KANSL1L: variants seen among roughly 807,000 people sequenced by gnomAD.
KANSL1L encodes the protein KAT8 regulatory NSL complex subunit 1-like protein.
Under a neutral mutation model 108.6 loss-of-function variants are expected in KANSL1L, and 25 were observed. That is an observed-to-expected ratio of 0.23 (90% confidence interval 0.17 to 0.32). KANSL1L has a LOEUF of 0.32. Among genes scored for constraint, KANSL1L ranks in the 10% least tolerant of loss-of-function variants. KANSL1L has a pLI of 1.00. For missense variants in KANSL1L, 1,137 were observed against 1,125.7 expected, an observed-to-expected ratio of 1.01 and a Z score of -0.14; for synonymous variants, 405 against 395.1, an observed-to-expected ratio of 1.03 and a Z score of -0.30.
At chr2:210,148,490 T>C (rs189983918) in intron 2 of KANSL1L, among the ~76,000 whole-genome samples, 91 of 152,220 alleles carry the variant, frequency 6.0e-4, no homozygotes, top group Admixed American at 2.4e-3. Flanking sequence ...AAAAAGAACA[T>C]TGGAGGCAAA....
At position 210,026,466 on chromosome 2, in the gene KANSL1L, T is replaced by C. The variant is rs116960153; in HGVS notation, c.2451+830A>G. Reference sequence around the variant, plus strand: ...AGCCTGATCTGAAATGATGTGAGGCTATTTTTAGTGTTTATCCAACTCAAC... The same window carrying C: ...AGCCTGATCTGAAATGATGTGAGGCCATTTTTAGTGTTTATCCAACTCAAC... On this transcript the variant is annotated intron_variant, in intron 12 of 14. Transcript: ENST00000281772. 7 of 152,374 alleles carry C rather than the reference T, an allele frequency of 4.6e-5. No individual in the cohort carries two copies. In the East Asian group the frequency reaches 1.3e-3, roughly 29 times the overall value. The allele number at this position is 152,374 out of a possible 1,614,324, so 9.4% of individuals were successfully genotyped here.
chr2:210,118,721 C>A (rs889077380), intron 3 of KANSL1L, among the ~76,000 whole-genome samples: 1 of 151,680 alleles, frequency 6.6e-6, no homozygotes, highest in Non-Finnish European at 1.5e-5. Context: ...GTGGTGTGTG[C>A]CTGTGGTCCC....
intron 3 of KANSL1L, among the ~76,000 whole-genome samples, chr2:210,116,592 C>T (rs1218917578): frequency 6.6e-6 from 1 of 152,128 alleles, no homozygotes; most frequent in African/African-American, 2.4e-5. Context: ...GAACAGGAGT[C>T]TCTGACTGGT....
chr2:210,148,355 C>T (rs944131217), intron 2 of KANSL1L, among the ~76,000 whole-genome samples: 2 of 152,186 alleles, frequency 1.3e-5, no homozygotes, highest in African/African-American at 4.8e-5. Flanking sequence ...TGCTAGAATT[C>T]TATGGCTCTA....
At chr2:210,132,922 C>A (rs2095135002) in intron 2 of KANSL1L, among the ~76,000 whole-genome samples, 2 of 152,224 alleles carry the variant, frequency 1.3e-5, no homozygotes, top group Admixed American at 1.3e-4. Flanking sequence ...ATCAGTGAAG[C>A]CATCTGAGCC....
rs1400989680 is a variant in KANSL1L at position 210,022,268 on chromosome 2, A to G, written c.*681T>C. ...AGTTTTGTGTTGCCTGGATATATGA[A>G]TTTCTGTAAATAACTTCTGTTGGTT... On this transcript the variant is annotated 3_prime_UTR_variant, in exon 15 of 15. Coordinates refer to ENST00000281772, the MANE Select transcript of KANSL1L (RefSeq NM_152519.4). 1 of 152,152 alleles carries G rather than the reference A, an allele frequency of 6.6e-6. No homozygotes were observed. The highest frequency in any genetic ancestry group is 1.5e-5 in the Non-Finnish European group (1 of 67,984). The allele number at this position is 152,152 out of a possible 1,614,324, so 9.4% of individuals were successfully genotyped here.
intron 2 of KANSL1L, among the ~76,000 whole-genome samples, chr2:210,133,388 A>G: frequency 6.6e-6 from 1 of 152,084 alleles, no homozygotes. Flanking sequence ...ATACACAGAT[A>G]CAGAACCTGG....
intron 6 of KANSL1L, among the ~76,000 whole-genome samples, chr2:210,050,693 GA>G (rs1169870752): frequency 0.036 from 1,920 of 53,458 alleles, 17 homozygotes; most frequent in African/African-American, 0.09. Context: ...CATCTCTACA[GA>G]AAAAAAAAAA....
At chr2:210,083,778 G>A (rs1395431916) in intron 5 of KANSL1L, among the ~76,000 whole-genome samples, 1 of 140,398 alleles carries the variant, frequency 7.1e-6, no homozygotes, top group African/African-American at 2.7e-5. Context: ...GCAGTGAGCC[G>A]AGATCATGCC....
chr2:210,077,229 T>C (rs899569923), intron 5 of KANSL1L, among the ~76,000 whole-genome samples: 1 of 152,184 alleles, frequency 6.6e-6, no homozygotes, highest in Non-Finnish European at 1.5e-5. Context: ...CAGACCAATA[T>C]AGAAAAAAGG....
At chr2:210,059,773 C>CTT (rs767875402) in intron 6 of KANSL1L, among the ~76,000 whole-genome samples, 2 of 146,078 alleles carry the variant, frequency 1.4e-5, no homozygotes, top group Non-Finnish European at 3.0e-5. Context: ...ACTTAAGTAA[C>CTT]TTTTTTTTTT....
intron 1 of KANSL1L, chr2:210,170,465 A>G: frequency 1.2e-6 from 1 of 829,872 alleles, no homozygotes; most frequent in African/African-American, 1.8e-5. Context: ...GGTTTCTGAA[A>G]CGGCCAGGAT....
At position 210,024,175 on chromosome 2, in the gene KANSL1L, T is replaced by G; in HGVS notation, c.2591A>C (p.Gln864Pro). ...AGGGTATTCTTTCAAAAGCAAGTCC[T>G]GTCCTTCAACATTTTTACTGTAAGC... Reference protein sequence around the residue: ...SRAYSKNVEGQDLLLKEYPNN... With the variant: ...SRAYSKNVEGPDLLLKEYPNN... Residue 864 changes from glutamine (Q) to proline (P), a missense_variant, in exon 14 of 15, where the codon CAG becomes CCG. By Grantham distance (76) the Gln-to-Pro change is moderately conservative. This residue lies in a region of KANSL1L where 575 missense variants were observed against 567.1 expected (regional missense o/e 1.01). Coordinates refer to ENST00000281772, the MANE Select transcript of KANSL1L (RefSeq NM_152519.4). 6.3e-7 allele frequency: 1 copy of G among 1,591,630 alleles called. No individual in the cohort carries two copies. Among genetic ancestry groups the G allele is most frequent in the Non-Finnish European group, 8.5e-7 (1 of 1,169,824 alleles).
chr2:210,163,731 A>G (rs1461208700), intron 1 of KANSL1L, among the ~76,000 whole-genome samples: 1 of 152,198 alleles, frequency 6.6e-6, no homozygotes, highest in Non-Finnish European at 1.5e-5. Flanking sequence ...AATTTTATAT[A>G]CAATAGTATA....
intron 6 of KANSL1L, among the ~76,000 whole-genome samples, chr2:210,070,366 A>G (rs968901595): frequency 6.7e-6 from 1 of 149,686 alleles, no homozygotes; most frequent in Non-Finnish European, 1.5e-5. Context: ...AGTAGCTGGG[A>G]CTACAGGCGC....
upstream of KANSL1L, among the ~76,000 whole-genome samples, chr2:210,172,456 A>G (rs1364485715): frequency 2.0e-5 from 3 of 152,228 alleles, no homozygotes; most frequent in South Asian, 2.1e-4. Flanking sequence ...CGTAACATAG[A>G]TAACTGGAAT....
intron 1 of KANSL1L, among the ~76,000 whole-genome samples, chr2:210,156,251 T>A (rs539675909): frequency 2.8e-4 from 42 of 149,988 alleles, no homozygotes; most frequent in African/African-American, 5.2e-4. Flanking sequence ...CTGATAAAAA[T>A]TTTTTTTTTC....
At chr2:210,164,648 G>T (rs1193738127) in intron 1 of KANSL1L, among the ~76,000 whole-genome samples, 1 of 151,800 alleles carries the variant, frequency 6.6e-6, no homozygotes, top group South Asian at 2.1e-4. Context: ...CTGGAAAAAA[G>T]AATTAAACTT....
At chr2:210,073,743 C>A (rs973937316) in intron 6 of KANSL1L, among the ~76,000 whole-genome samples, 1 of 151,118 alleles carries the variant, frequency 6.6e-6, no homozygotes, top group African/African-American at 2.4e-5. Context: ...TATTCTAGAC[C>A]ACTGCAGTAG....
Sources: allele counts gnomAD v4.1 joint callset (sites outside exome capture counted in the v4.1 genomes callset), GRCh38; gene constraint gnomAD v4.1.1; regional missense constraint gnomAD v4.1.1; transcripts MANE v1.5; gene names NCBI Gene and HGNC (gene_info 2026-07-23, HGNC 2026-07-21).